The following ELMO1 variants were observed in gnomAD, a reference collection of about 807,000 sequenced individuals.
ELMO1 encodes engulfment and cell motility 1.
Under a neutral mutation model 98.9 loss-of-function variants are expected in ELMO1, and 26 were observed. The ratio of observed to expected loss-of-function variants is 0.26; its 90% CI spans 0.19 to 0.36. ELMO1 has a LOEUF of 0.36. Among genes scored for constraint, ELMO1 ranks in the 10% least tolerant of loss-of-function variants. The probability of loss-of-function intolerance (pLI) is 1.00; values close to 1 mark genes in which losing one functional copy is unlikely to be tolerated. For missense variants in ELMO1, 627 were observed against 935.2 expected (o/e 0.67, Z 4.30); for synonymous variants, 346 against 346.0 (o/e 1.00, Z 0.00).
At chr7:37,018,904 G>A (rs147888946) in intron 15 of ELMO1, among the ~76,000 whole-genome samples, 2,860 of 152,272 alleles carry the variant, frequency 0.019, 34 homozygotes, top group Middle Eastern at 0.044. Context: ...AGGAGATGAG[G>A]AAGGAAAGAG....
At chr7:36,917,013 G>T (rs1488788277) in intron 16 of ELMO1, among the ~76,000 whole-genome samples, 1 of 152,224 alleles carries the variant, frequency 6.6e-6, no homozygotes, top group Non-Finnish European at 1.5e-5. Flanking sequence ...GGGCAGAAAG[G>T]AAAATTCAGT....
Position 37,169,998 on chromosome 7 carries a change from T to A in ELMO1, c.1087-36764A>T, listed in dbSNP as rs374631322. On this transcript the variant is annotated intron_variant, in intron 13 of 21. Coordinates refer to ENST00000310758, the MANE Select transcript of ELMO1 (RefSeq NM_014800.11). ...CTCACTGCAACCTCCACCTCCTGGG[T>A]TCAAGCGATTCTCCCGCCTCAGCCT... Among the ~76,000 whole-genome samples, 5 of 152,100 alleles carry A rather than the reference T, an allele frequency of 3.3e-5. No individual in the cohort carries two copies. The South Asian group carries it at 1.0e-3, about 32-fold the overall frequency.
intron 16 of ELMO1, among the ~76,000 whole-genome samples, chr7:36,927,015 C>T (rs1785631210): frequency 6.6e-6 from 1 of 152,074 alleles, no homozygotes; most frequent in South Asian, 2.1e-4. Flanking sequence ...AAAAAGATAC[C>T]CAGCCTTTTA....
At chr7:36,970,078 T>A (rs1789783558) in intron 16 of ELMO1, among the ~76,000 whole-genome samples, 1 of 152,202 alleles carries the variant, frequency 6.6e-6, no homozygotes, top group Admixed American at 6.5e-5. Context: ...AGTCTCATTC[T>A]CCATCATTAT....
chr7:37,036,864 TCC>T (rs1008706577), intron 15 of ELMO1, among the ~76,000 whole-genome samples: 3 of 152,230 alleles, frequency 2.0e-5, no homozygotes, highest in African/African-American at 7.2e-5. Context: ...AGGATTTGGC[TCC>T]CAAGGCAAGA....
chr7:37,013,334 T>C lies in ELMO1; in HGVS notation c.1402A>G (p.Lys468Glu). The C allele has an allele frequency of 6.2e-7, 1 of 1,614,102 alleles. No individual in the cohort carries two copies. The highest frequency in any genetic ancestry group is 8.5e-7 in the Non-Finnish European group (1 of 1,179,996). ...ICIQLLNKTW[K>E]EMRATSEDFN... ...TCTTCAGAAGTTGCCCTCATTTCCTTCCATGTCTTGTTCAGGAGCTGGATA... is the reference window on the plus strand; with the variant it reads ...TCTTCAGAAGTTGCCCTCATTTCCTCCCATGTCTTGTTCAGGAGCTGGATA... The change falls in exon 16 of 22, where the codon AAG (lysine) becomes GAG (glutamate). Residue 468 changes from lysine to glutamate, a missense_variant. Lys to Glu is a moderately conservative substitution (Grantham distance 56, BLOSUM62 1). Coordinates refer to ENST00000310758, the MANE Select transcript of ELMO1 (RefSeq NM_014800.11).
intron 16 of ELMO1, among the ~76,000 whole-genome samples, chr7:36,991,899 C>G (rs565805522): frequency 1.3e-5 from 2 of 152,288 alleles, no homozygotes; most frequent in Middle Eastern, 6.8e-3. Context: ...CAGTTGCCAT[C>G]TAGTAAAGTG....
intron 16 of ELMO1, among the ~76,000 whole-genome samples, chr7:36,947,758 T>C (rs1787620541): frequency 6.6e-6 from 1 of 152,042 alleles, no homozygotes; most frequent in South Asian, 2.1e-4. Flanking sequence ...CTCCTCAAAC[T>C]CTGACCAGTG....
intron 16 of ELMO1, among the ~76,000 whole-genome samples, chr7:36,958,415 A>G (rs1788645691): frequency 6.6e-6 from 1 of 152,212 alleles, no homozygotes. Flanking sequence ...CACTCCTCAG[A>G]CAACTATGTA....
intron 1 of ELMO1, among the ~76,000 whole-genome samples, chr7:37,418,706 G>A (rs907505086): frequency 6.6e-6 from 1 of 152,210 alleles, no homozygotes; most frequent in South Asian, 2.1e-4. Context: ...AGGGCCAAGC[G>A]TGGAGATGGA....
chr7:37,328,587 A>G (rs1299057234), intron 2 of ELMO1, among the ~76,000 whole-genome samples: 1 of 152,112 alleles, frequency 6.6e-6, no homozygotes, highest in East Asian at 1.9e-4. Flanking sequence ...TGGGTTCTGG[A>G]GCTGGGTGCC....
At chr7:37,253,178 A>G (rs1031067907) in intron 6 of ELMO1, among the ~76,000 whole-genome samples, 1 of 152,184 alleles carries the variant, frequency 6.6e-6, no homozygotes, top group Non-Finnish European at 1.5e-5. Flanking sequence ...GTGATTCCTC[A>G]AGGATCTAGA....
At chr7:37,139,200 A>C (rs892612552) in intron 13 of ELMO1, among the ~76,000 whole-genome samples, 1 of 152,218 alleles carries the variant, frequency 6.6e-6, no homozygotes, top group Non-Finnish European at 1.5e-5. Flanking sequence ...TATTCAACAT[A>C]GTACTGGAAG....
rs372705267 is a variant in ELMO1 at position 37,099,808 on chromosome 7, T to C, written c.1192-3081A>G. Among the ~76,000 whole-genome samples the C allele has an allele frequency of 3.3e-5, 5 of 151,938 alleles. No individual in the cohort carries two copies. The South Asian group carries it at 1.0e-3, about 32-fold the overall frequency. The stretch of plus-strand genomic sequence containing the variant: ...AGGTGACTTTCTAGCATCCCAGAGC[T>C]AGCCTGTGTCAGTCCTGGAGTTCAA... On this transcript the variant is annotated intron_variant, in intron 14 of 21. Transcript: ENST00000310758.
intron 16 of ELMO1, among the ~76,000 whole-genome samples, chr7:36,983,553 C>T (rs1470778919): frequency 6.6e-6 from 1 of 152,194 alleles, no homozygotes; most frequent in East Asian, 1.9e-4. Context: ...GCTGGATAAA[C>T]ACCGGCAAGG....
At chr7:37,222,526 AT>A in intron 10 of ELMO1, 88 bp downstream of exon 10, 1 of 1,281,712 alleles carries the variant, frequency 7.8e-7, no homozygotes, top group Non-Finnish European at 1.1e-6. Context: ...GAGAGGCCCA[AT>A]GAGTCCCCGA....
At chr7:37,165,661 C>A (rs1228043549) in intron 13 of ELMO1, among the ~76,000 whole-genome samples, 2 of 152,056 alleles carry the variant, frequency 1.3e-5, no homozygotes, top group African/African-American at 2.4e-5. Context: ...GTATATTGAA[C>A]CAGCCTCACA....
intron 5 of ELMO1, among the ~76,000 whole-genome samples, chr7:37,261,422 G>A (rs1023781932): frequency 3.9e-5 from 6 of 152,142 alleles, no homozygotes; most frequent in Non-Finnish European, 8.8e-5. Flanking sequence ...CAGACCAAGG[G>A]CCACCCCTAG....
intron 14 of ELMO1, among the ~76,000 whole-genome samples, chr7:37,120,711 C>A (rs1371481838): frequency 6.6e-6 from 1 of 152,156 alleles, no homozygotes; most frequent in African/African-American, 2.4e-5. Flanking sequence ...AAGGCATAGC[C>A]GAACAAAAGG....
Sources: allele counts gnomAD v4.1 joint callset (sites outside exome capture counted in the v4.1 genomes callset), GRCh38; gene constraint gnomAD v4.1.1; transcripts MANE v1.5; gene names NCBI Gene and HGNC (gene_info 2026-07-23, HGNC 2026-07-21).